The following DAPL1 variants were observed in gnomAD, a reference collection of about 807,000 sequenced individuals.
The protein encoded by DAPL1 is death-associated protein-like 1.
Under a neutral mutation model 12.9 loss-of-function variants are expected in DAPL1, and 17 were observed. That is an observed-to-expected ratio of 1.32 (90% confidence interval 0.90 to 1.98). The LOEUF (loss-of-function observed/expected upper bound fraction) is 1.98, where lower values mean the gene tolerates loss of function less well. DAPL1 is among the 30% of genes most tolerant of loss of function. The pLI, the probability that DAPL1 is intolerant of heterozygous loss-of-function variation, is 0.00. For missense variants in DAPL1, 157 were observed against 125.7 expected, an observed-to-expected ratio of 1.25 and a Z score of -1.19; for synonymous variants, 51 against 42.0, an observed-to-expected ratio of 1.21 and a Z score of -0.82.
chr2:158,810,316 T>A (rs992484642), intron 3 of DAPL1, among the ~76,000 whole-genome samples: 4 of 152,208 alleles, frequency 2.6e-5, no homozygotes, highest in African/African-American at 9.7e-5. Context: ...CTGGTCAGAA[T>A]AAATGCAGTG....
intron 1 of DAPL1, among the ~76,000 whole-genome samples, chr2:158,802,563 G>A (rs755767119): frequency 3.9e-5 from 6 of 152,118 alleles, no homozygotes; most frequent in Non-Finnish European, 7.4e-5. Context: ...ACACCAAATC[G>A]TCAAGGATGG....
chr2:158,801,721 A>C (rs541768357), intron 1 of DAPL1, among the ~76,000 whole-genome samples: 2 of 152,202 alleles, frequency 1.3e-5, no homozygotes, highest in Non-Finnish European at 2.9e-5. Flanking sequence ...GAATGGTTGA[A>C]TAGTAAAACA....
At chr2:158,807,215 C>T in intron 3 of DAPL1, 100 bp downstream of exon 3, 1 of 828,564 alleles carries the variant, frequency 1.2e-6, no homozygotes, top group Non-Finnish European at 1.8e-6. Flanking sequence ...TTTTTCCAAC[C>T]CAGAGGTTTG....
Position 158,804,380 on chromosome 2 carries a change from T to C in DAPL1, c.146+11T>C. 6.3e-7 allele frequency: 1 copy of C among 1,587,468 alleles called. No individual in the cohort carries two copies. The highest frequency in any genetic ancestry group is 1.3e-5 in the African/African-American group (1 of 74,160). The stretch of plus-strand genomic sequence containing the variant: ...ATTCGAGAAAACAAGGTAGGGACTC[T>C]TAATTTTTCTCCATCACCTTGAGGA... On this transcript the variant is annotated intron_variant, in intron 2 of 3. Coordinates refer to ENST00000309950, the MANE Select transcript of DAPL1 (RefSeq NM_001017920.3).
intron 1 of DAPL1, among the ~76,000 whole-genome samples, chr2:158,802,394 C>G (rs1328924416): frequency 6.6e-6 from 1 of 152,206 alleles, no homozygotes; most frequent in East Asian, 1.9e-4. Context: ...ACATTCCTTG[C>G]TAGTCACAAC....
At chr2:158,804,493 G>A (rs1189318889) in intron 2 of DAPL1, 124 bp downstream of exon 2, 15 of 651,426 alleles carry the variant, frequency 2.3e-5, no homozygotes, top group South Asian at 4.5e-5. Context: ...GGGGGCAGGA[G>A]GGGGAGGGCG....
intron 2 of DAPL1, among the ~76,000 whole-genome samples, chr2:158,806,773 T>C (rs894936069): frequency 6.6e-6 from 1 of 151,438 alleles, no homozygotes; most frequent in South Asian, 2.1e-4. Context: ...GAGGCAGAGG[T>C]TGCAGTGAGC....
rs151109132 is a variant in DAPL1 at position 158,810,579 on chromosome 2, A to G, written c.207+3464A>G. Among the ~76,000 whole-genome samples the G allele has an allele frequency of 4.7e-3, 709 of 152,328 alleles. 10 individuals are homozygous for G. The highest frequency in any genetic ancestry group is 3.5e-3 in the Non-Finnish European group (239 of 68,026). On this transcript the variant is annotated intron_variant, in intron 3 of 3. Coordinates refer to ENST00000309950, the MANE Select transcript of DAPL1 (RefSeq NM_001017920.3). ...TTTAAGATTTTGGAGATTGAAAAAT[A>G]GTCCCCGAAGGGCTGGAATTGTGTA...
At position 158,813,624 on chromosome 2, in the gene DAPL1, C is replaced by T. The variant is rs570126059; in HGVS notation, c.208-2081C>T. 1.8e-4 allele frequency among the ~76,000 whole-genome samples: 26 copies of T among 148,124 alleles called. 1 individual carries two copies. In the South Asian group the frequency reaches 4.8e-3, roughly 27 times the overall value. On this transcript the variant is annotated intron_variant, in intron 3 of 3. Coordinates refer to ENST00000309950, the MANE Select transcript of DAPL1 (RefSeq NM_001017920.3). ...AGGCTGGAGTGCAGTGACCCGATCT[C>T]GGCTCACTGCAACCTCCGCCTCCTG...
At chr2:158,802,602 C>A (rs2059174273) in intron 1 of DAPL1, among the ~76,000 whole-genome samples, 1 of 152,182 alleles carries the variant, frequency 6.6e-6, no homozygotes, top group South Asian at 2.1e-4. Flanking sequence ...AATAATAAAT[C>A]TTGTCATGTT....
intron 1 of DAPL1, among the ~76,000 whole-genome samples, chr2:158,801,441 TG>T (rs1476428232): frequency 1.3e-5 from 2 of 152,196 alleles, no homozygotes; most frequent in Admixed American, 6.5e-5. Context: ...AAACATTCTT[TG>T]GGAAAAAGCC....
At chr2:158,814,711 T>C (rs1167693163) in intron 3 of DAPL1, among the ~76,000 whole-genome samples, 1 of 152,198 alleles carries the variant, frequency 6.6e-6, no homozygotes, top group Non-Finnish European at 1.5e-5. Flanking sequence ...CCATGAACAG[T>C]ATGATGGCTA....
intron 2 of DAPL1, 40 bp downstream of exon 2, chr2:158,804,409 T>G: frequency 7.0e-7 from 1 of 1,435,268 alleles, no homozygotes; most frequent in Non-Finnish European, 9.7e-7. Context: ...TTGAGGAGTT[T>G]TGAGTGACTC....
rs72939243 is a variant in DAPL1 at position 158,815,399 on chromosome 2, C to T, written c.208-306C>T. On this transcript the variant is annotated intron_variant, in intron 3 of 3. Coordinates refer to ENST00000309950, the MANE Select transcript of DAPL1 (RefSeq NM_001017920.3). ...CTTAGAATTCAGTGATTCATAGATGCATACTAGTGCCAGAATAATTGCTAA... is the reference window on the plus strand; with the variant it reads ...CTTAGAATTCAGTGATTCATAGATGTATACTAGTGCCAGAATAATTGCTAA... 8.7e-3 allele frequency among the ~76,000 whole-genome samples: 1,324 copies of T among 152,292 alleles called. 12 individuals are homozygous for T. The highest frequency in any genetic ancestry group is 0.013 in the Non-Finnish European group (917 of 68,030).
At chr2:158,811,576 G>A (rs940157857) in intron 3 of DAPL1, among the ~76,000 whole-genome samples, 2 of 152,044 alleles carry the variant, frequency 1.3e-5, no homozygotes, top group African/African-American at 2.4e-5. Context: ...TTCTGAGGTC[G>A]CAGCTACCCA....
intron 3 of DAPL1, among the ~76,000 whole-genome samples, chr2:158,811,435 A>C (rs2059229877): frequency 6.6e-6 from 1 of 152,286 alleles, no homozygotes; most frequent in Admixed American, 6.5e-5. Flanking sequence ...CAGTCTGCTA[A>C]TACTACCCAA....
At chr2:158,804,400 T>C in intron 2 of DAPL1, 31 bp downstream of exon 2, 1 of 1,473,784 alleles carries the variant, frequency 6.8e-7, no homozygotes, top group Non-Finnish European at 9.4e-7. Context: ...TCCATCACCT[T>C]GAGGAGTTTT....
At position 158,807,118 on chromosome 2, in the gene DAPL1, G is replaced by C. The variant is rs779347421; in HGVS notation, c.207+3G>C. ...CCCTGAATGACGCACTGGAGAAGGT[G>C]AGCCGTGGGCAAATCACATAGCGCT... On this transcript the variant is annotated splice_donor_region_variant and intron_variant, in intron 3 of 3. Coordinates refer to ENST00000309950, the MANE Select transcript of DAPL1 (RefSeq NM_001017920.3). The C allele has an allele frequency of 1.2e-6, 2 of 1,607,782 alleles. No individual in the cohort carries two copies.
chr2:158,798,637 G>T (rs1342698260), intron 1 of DAPL1, among the ~76,000 whole-genome samples: 1 of 152,142 alleles, frequency 6.6e-6, no homozygotes, highest in East Asian at 1.9e-4. Flanking sequence ...AAGCCACACA[G>T]CTAGTGGGAA....
Sources: allele counts gnomAD v4.1 joint callset (sites outside exome capture counted in the v4.1 genomes callset), GRCh38; gene constraint gnomAD v4.1.1; transcripts MANE v1.5; gene names NCBI Gene and HGNC (gene_info 2026-07-23, HGNC 2026-07-21).